The following SNTG2 variants were observed in gnomAD, a reference collection of about 807,000 sequenced individuals.
The protein encoded by SNTG2 is syntrophin gamma 2.
SNTG2 carries 74 observed loss-of-function variants against 70.9 expected under a neutral mutation model. The observed-to-expected ratio is 1.04, with a 90% CI of 0.86 to 1.27. SNTG2 has a LOEUF of 1.27. Among genes scored for constraint, SNTG2 ranks in the 50% most tolerant of loss-of-function variants. The pLI, the probability that SNTG2 is intolerant of heterozygous loss-of-function variation, is 0.00. For synonymous variants in SNTG2, 278 were observed against 273.8 expected, an observed-to-expected ratio of 1.02 and a Z score of -0.15; for missense variants, 717 against 690.7, an observed-to-expected ratio of 1.04 and a Z score of -0.43.
In SNTG2 at chr2:1,180,674, T is replaced by A. The variant is rs1420584099; in HGVS notation, c.591+7491T>A. Among the ~76,000 whole-genome samples, 8 of 150,286 alleles carry A rather than the reference T, an allele frequency of 5.3e-5. No individual in the cohort carries two copies. The Admixed American group carries it at 5.3e-4, about 10-fold the overall frequency. ...AGTCAGTGTGGCGATTCCTCAGGGA[T>A]CTAGAACTAGAAATACCATTTGACC... On this transcript the variant is annotated intron_variant, in intron 8 of 16. Coordinates refer to ENST00000308624, the MANE Select transcript of SNTG2 (RefSeq NM_018968.4).
At chr2:990,197 C>T (rs1661444913) in intron 1 of SNTG2, among the ~76,000 whole-genome samples, 1 of 152,244 alleles carries the variant, frequency 6.6e-6, no homozygotes, top group Non-Finnish European at 1.5e-5. Flanking sequence ...GCTGGACGTC[C>T]ATGGCCATTC....
chr2:1,366,850 TG>T (rs1661516584), intron 16 of SNTG2, among the ~76,000 whole-genome samples: 1 of 152,164 alleles, frequency 6.6e-6, no homozygotes, highest in African/African-American at 2.4e-5. Flanking sequence ...AGGGCGGCCT[TG>T]GCATGAAGCC....
intron 1 of SNTG2, among the ~76,000 whole-genome samples, chr2:987,729 G>A (rs563241706): frequency 3.3e-5 from 5 of 152,154 alleles, no homozygotes; most frequent in Non-Finnish European, 4.4e-5. Context: ...AAACCAAGGG[G>A]AGGCTGGGGA....
At chr2:1,175,493 T>C (rs1196416815) in intron 8 of SNTG2, among the ~76,000 whole-genome samples, 1 of 152,216 alleles carries the variant, frequency 6.6e-6, no homozygotes, top group African/African-American at 2.4e-5. Context: ...TGACTGTAAT[T>C]GCCAGATTTA....
intron 1 of SNTG2, among the ~76,000 whole-genome samples, chr2:1,071,584 C>T (rs1296843184): frequency 1.0e-4 from 15 of 150,304 alleles, no homozygotes; most frequent in Admixed American, 2.0e-4. Flanking sequence ...CGCACCAGCA[C>T]GGCACATGTA....
chr2:1,070,867 A>G (rs1355183327), intron 1 of SNTG2, among the ~76,000 whole-genome samples: 1 of 152,004 alleles, frequency 6.6e-6, no homozygotes, highest in South Asian at 2.1e-4. Flanking sequence ...TTACTGTGGT[A>G]TTTTATACTG....
chr2:1,093,870 A>C (rs550871464), intron 2 of SNTG2, among the ~76,000 whole-genome samples: 19 of 143,872 alleles, frequency 1.3e-4, no homozygotes, highest in African/African-American at 5.0e-4. Flanking sequence ...TCCAACACCA[A>C]GGTGCTGTGG....
intron 1 of SNTG2, among the ~76,000 whole-genome samples, chr2:974,349 C>T (rs1301381501): frequency 1.3e-5 from 2 of 152,210 alleles, no homozygotes; most frequent in African/African-American, 4.8e-5. Context: ...ACAGGGCCTC[C>T]CCACGAGTGT....
At chr2:1,208,653 C>T (rs1200454909) in intron 8 of SNTG2, among the ~76,000 whole-genome samples, 12 of 152,168 alleles carry the variant, frequency 7.9e-5, no homozygotes, top group Non-Finnish European at 1.8e-4. Context: ...AGCACAGAGT[C>T]GTTGCTACCG....
chr2:1,084,346 C>T (rs1192567484), intron 2 of SNTG2, among the ~76,000 whole-genome samples: 1 of 152,152 alleles, frequency 6.6e-6, no homozygotes, highest in African/African-American at 2.4e-5. Context: ...AGAAGGTCCA[C>T]AAAGATCCCA....
intron 9 of SNTG2, among the ~76,000 whole-genome samples, chr2:1,232,307 T>A (rs1676306826): frequency 1.3e-5 from 2 of 149,820 alleles, no homozygotes; most frequent in South Asian, 4.2e-4. Context: ...TAAAAATGAC[T>A]TTTTTTTTTC....
At chr2:990,397 T>C (rs1221502980) in intron 1 of SNTG2, among the ~76,000 whole-genome samples, 2 of 152,148 alleles carry the variant, frequency 1.3e-5, no homozygotes, top group African/African-American at 4.8e-5. Flanking sequence ...GATGTAGGTG[T>C]TGGGAGTTGG....
At chr2:1,090,137 A>G (rs1320665403) in intron 2 of SNTG2, among the ~76,000 whole-genome samples, 1 of 152,222 alleles carries the variant, frequency 6.6e-6, no homozygotes, top group African/African-American at 2.4e-5. Context: ...TTTTAAATGG[A>G]TCTACAATGC....
chr2:1,309,625 A>G (rs1440421182), intron 15 of SNTG2, among the ~76,000 whole-genome samples: 2 of 152,240 alleles, frequency 1.3e-5, no homozygotes, highest in Admixed American at 6.5e-5. Flanking sequence ...CTACTGGGCA[A>G]TAGTGTGGAG....
intron 16 of SNTG2, among the ~76,000 whole-genome samples, chr2:1,360,521 CTT>C (rs1661079608): frequency 6.6e-6 from 1 of 152,160 alleles, no homozygotes; most frequent in Non-Finnish European, 1.5e-5. Flanking sequence ...TTATTGGACT[CTT>C]TGTGCACTGG....
At chr2:1,105,962 A>G (rs1666097967) in intron 4 of SNTG2, among the ~76,000 whole-genome samples, 1 of 152,262 alleles carries the variant, frequency 6.6e-6, no homozygotes. Context: ...CTCCTTGGTA[A>G]TAGTGGGCGC....
intron 14 of SNTG2, among the ~76,000 whole-genome samples, chr2:1,270,397 A>G (rs1444386183): frequency 1.3e-5 from 2 of 152,250 alleles, no homozygotes; most frequent in Admixed American, 6.5e-5. Flanking sequence ...CTAATACTCT[A>G]TACTAGGCTG....
chr2:1,037,653 G>T (rs1475550866), intron 1 of SNTG2, among the ~76,000 whole-genome samples: 1 of 151,884 alleles, frequency 6.6e-6, no homozygotes, highest in African/African-American at 2.4e-5. Flanking sequence ...TATATACACA[G>T]AACATAGGAC....
chr2:1,145,435 A>C (rs865989143), intron 6 of SNTG2, among the ~76,000 whole-genome samples: 1 of 152,230 alleles, frequency 6.6e-6, no homozygotes, highest in Non-Finnish European at 1.5e-5. Context: ...ATACACCTCT[A>C]TGCTGACAAA....
Sources: allele counts gnomAD v4.1 joint callset (sites outside exome capture counted in the v4.1 genomes callset), GRCh38; gene constraint gnomAD v4.1.1; transcripts MANE v1.5; gene names NCBI Gene and HGNC (gene_info 2026-07-23, HGNC 2026-07-21).